U2SURP: variants seen among roughly 807,000 people sequenced by gnomAD.
The protein encoded by U2SURP is U2 snRNP-associated SURP motif-containing protein.
U2SURP carries 9 observed loss-of-function variants against 144.9 expected under a neutral mutation model. The ratio of observed to expected loss-of-function variants is 0.06; its 90% confidence interval spans 0.04 to 0.11. The LOEUF is 0.11. Ranked by LOEUF, U2SURP falls within the 10% of genes least tolerant of loss-of-function variation. The pLI is 1.00. For synonymous variants in U2SURP, 408 were observed against 396.8 expected, an observed-to-expected ratio of 1.03 and a Z score of -0.33; for missense variants, 724 against 1,226.7, an observed-to-expected ratio of 0.59 and a Z score of 6.12.
chr3:143,044,879 T>C (rs931957897), intron 24 of U2SURP, among the ~76,000 whole-genome samples: 2 of 152,206 alleles, frequency 1.3e-5, no homozygotes, highest in African/African-American at 4.8e-5. Flanking sequence ...TTTAACCTTA[T>C]GTAGAGTCAG....
chr3:143,007,310 A>G (rs544819904), intron 1 of U2SURP, among the ~76,000 whole-genome samples: 5 of 150,068 alleles, frequency 3.3e-5, no homozygotes, highest in South Asian at 4.2e-4. Flanking sequence ...TTCCAGAGAC[A>G]GGGGTTCTTG....
intron 18 of U2SURP, chr3:143,034,446 C>G (rs1367536188): frequency 4.6e-5 from 7 of 152,400 alleles, no homozygotes; most frequent in Admixed American, 4.6e-4. Flanking sequence ...CCAGAGCTCT[C>G]TTTCTGTGTT....
chr3:143,006,920 G>C (rs1935862186), intron 1 of U2SURP, among the ~76,000 whole-genome samples: 1 of 152,210 alleles, frequency 6.6e-6, no homozygotes, highest in Admixed American at 6.5e-5. Flanking sequence ...ACAGATACAC[G>C]AATGGAGAGC....
At chr3:143,024,378 T>C (rs1933005807) in intron 13 of U2SURP, 3 of 371,330 alleles carry the variant, frequency 8.1e-6, no homozygotes, top group African/African-American at 4.2e-5. Context: ...TCTGTTGTTA[T>C]TTTTTTCTTG....
At chr3:143,047,778 G>A (rs1171658519) in intron 24 of U2SURP, among the ~76,000 whole-genome samples, 2 of 77,990 alleles carry the variant, frequency 2.6e-5, no homozygotes, top group African/African-American at 9.7e-5. Flanking sequence ...CCTCCTGAAC[G>A]GGGCGACTGG....
chr3:143,006,142 C>A (rs149540665), intron 1 of U2SURP, among the ~76,000 whole-genome samples: 255 of 152,254 alleles, frequency 1.7e-3, no homozygotes, highest in Admixed American at 3.3e-3. Context: ...AGTGTACTTA[C>A]AACTTTTCAT....
Position 143,053,755 on chromosome 3 carries a change from A to G in U2SURP, c.2735A>G (p.Lys912Arg), listed in dbSNP as rs1935005989. The G allele has an allele frequency of 1.9e-6, 3 of 1,609,200 alleles. No homozygotes were observed. Among genetic ancestry groups the G allele is most frequent in the South Asian group, 1.1e-5 (1 of 89,918 alleles). The change falls in exon 26 of 28, where the codon AAG becomes AGG. Residue 912 changes from lysine to arginine, a missense_variant. Around this residue, in one of 13 missense-constraint regions of U2SURP, gnomAD observed 129 missense variants for 196.1 expected, o/e 0.66. Coordinates refer to ENST00000473835, the MANE Select transcript of U2SURP (RefSeq NM_001080415.2). ...KEKLESRSKD[K>R]KEKDECTPTR... is the part of the protein sequence containing the mutation. ...AAATTGGAATCTCGCTCCAAAGACA[A>G]GAAGGAAAAAGATGAGTGTACTCCG...
intron 25 of U2SURP, among the ~76,000 whole-genome samples, chr3:143,051,619 A>AAG (rs1934864204): frequency 6.6e-6 from 1 of 150,880 alleles, no homozygotes; most frequent in South Asian, 2.1e-4. Context: ...AAAAAAAAAA[A>AAG]AAGAAAAACC....
chr3:143,014,463 G>A lies in U2SURP; in HGVS notation c.321+54G>A, dbSNP rs553638483. The A allele has an allele frequency of 1.6e-5, 20 of 1,216,604 alleles. No individual in the cohort carries two copies. The South Asian group carries it at 2.3e-4, about 14-fold the overall frequency. 75.4% of individuals were successfully genotyped at this position (1,216,604 alleles called of 1,614,324 possible). ...CCTTGGAAATGAATGTGTCTAAGGG[G>A]TTAGTAAGTGTATTAGAGGAATGTT... On this transcript the variant is annotated intron_variant, in intron 4 of 27. Coordinates refer to ENST00000473835, the MANE Select transcript of U2SURP (RefSeq NM_001080415.2).
intron 7 of U2SURP, 99 bp from the exon 8 acceptor site, chr3:143,020,500 T>C (rs1369354899): frequency 1.4e-5 from 11 of 789,404 alleles, no homozygotes; most frequent in Non-Finnish European, 2.3e-5. Flanking sequence ...ATTACAGATA[T>C]TTCTAGTTAT....
Position 143,038,966 on chromosome 3 carries a change from A to T in U2SURP, c.2384+6A>T, listed in dbSNP as rs1560196950. Reference sequence around the variant, plus strand: ...GAAGAAGAAGAAAATCAAAAGTAAGAATCTAAGTTTTGAATATACTGTTTC... The same window carrying T: ...GAAGAAGAAGAAAATCAAAAGTAAGTATCTAAGTTTTGAATATACTGTTTC... On this transcript the variant is annotated splice_donor_region_variant and intron_variant, in intron 23 of 27. Coordinates refer to ENST00000473835, the MANE Select transcript of U2SURP (RefSeq NM_001080415.2). 1 of 1,514,514 alleles carries T rather than the reference A, an allele frequency of 6.6e-7. No individual in the cohort carries two copies. Among genetic ancestry groups the T allele is most frequent in the African/African-American group, 1.4e-5 (1 of 70,920 alleles). 93.8% of individuals were successfully genotyped at this position (1,514,514 alleles called of 1,614,324 possible). A position where few individuals can be genotyped will look rare whatever the true frequency, so the allele number is the denominator to read the frequency against.
intron 23 of U2SURP, among the ~76,000 whole-genome samples, chr3:143,042,264 G>A (rs1293777601): frequency 6.6e-6 from 1 of 152,014 alleles, no homozygotes; most frequent in Non-Finnish European, 1.5e-5. Flanking sequence ...ACCGGTATTT[G>A]CTAATATATA....
intron 8 of U2SURP, 48 bp from the exon 9 acceptor site, chr3:143,021,302 C>T: frequency 6.5e-7 from 1 of 1,549,552 alleles, no homozygotes. Flanking sequence ...TAAGGGGGGA[C>T]TACTGTATTA....
intron 23 of U2SURP, among the ~76,000 whole-genome samples, chr3:143,039,664 T>C (rs1933997463): frequency 6.6e-6 from 1 of 151,050 alleles, no homozygotes; most frequent in Non-Finnish European, 1.5e-5. Flanking sequence ...AAGCACAGGT[T>C]ACTGTCTTTA....
intron 24 of U2SURP, among the ~76,000 whole-genome samples, chr3:143,043,800 G>T (rs1459209611): frequency 1.4e-5 from 2 of 147,172 alleles, no homozygotes; most frequent in African/African-American, 2.5e-5. Flanking sequence ...ATGGAGTCTC[G>T]CAGTGTCACC....
At chr3:143,007,764 A>G (rs1027502268) in intron 1 of U2SURP, among the ~76,000 whole-genome samples, 1 of 152,190 alleles carries the variant, frequency 6.6e-6, no homozygotes, top group Non-Finnish European at 1.5e-5. Flanking sequence ...ATCTTTAGGC[A>G]TCATTGGTTT....
At chr3:143,004,213 A>C (rs1340421949) in intron 1 of U2SURP, among the ~76,000 whole-genome samples, 1 of 152,120 alleles carries the variant, frequency 6.6e-6, no homozygotes, top group South Asian at 2.1e-4. Flanking sequence ...CATTCCCGTT[A>C]ATATGGATAG....
intron 24 of U2SURP, among the ~76,000 whole-genome samples, chr3:143,048,161 G>A (rs1934643137): frequency 6.6e-6 from 1 of 152,186 alleles, no homozygotes; most frequent in African/African-American, 2.4e-5. Flanking sequence ...GGCAATAAGG[G>A]CTGGATAGTT....
At chr3:143,026,872 A>G (rs1933182493) in intron 13 of U2SURP, 2 of 226,318 alleles carry the variant, frequency 8.8e-6, no homozygotes, top group Non-Finnish European at 1.7e-5. Context: ...TTGGAAAATA[A>G]GTGACATTTA....
Sources: gnomAD v4.1 joint callset for allele counts (sites outside exome capture counted in the v4.1 genomes callset) on GRCh38, gnomAD v4.1.1 for gene constraint, gnomAD v4.1.1 regional missense constraint, MANE v1.5 for transcripts, NCBI Gene and HGNC (gene_info 2026-07-23, HGNC 2026-07-21) for gene names.